PPIL6: variants seen among roughly 807,000 people sequenced by gnomAD.
PPIL6 encodes probable inactive peptidyl-prolyl cis-trans isomerase-like 6.
In PPIL6, 39 loss-of-function variants were observed where a neutral mutation model predicts 36.8. The ratio of observed to expected loss-of-function variants is 1.06; its 90% CI spans 0.82 to 1.38. The LOEUF (loss-of-function observed/expected upper bound fraction) is 1.38. PPIL6 is among the 40% of genes most tolerant of loss of function. PPIL6 has a pLI of 0.00. For synonymous variants in PPIL6, 123 were observed against 134.1 expected (o/e 0.92, Z 0.57); for missense variants, 368 against 379.1 (o/e 0.97, Z 0.24).
At chr6:109,434,425 T>G (rs1774335155) in intron 2 of PPIL6, among the ~76,000 whole-genome samples, 1 of 151,394 alleles carries the variant, frequency 6.6e-6, no homozygotes, top group Non-Finnish European at 1.5e-5. Context: ...ATATGTGTGT[T>G]TGTGTGTGTG....
intron 5 of PPIL6, among the ~76,000 whole-genome samples, chr6:109,423,541 T>C (rs976072235): frequency 1.3e-5 from 2 of 152,156 alleles, no homozygotes; most frequent in African/African-American, 4.8e-5. Context: ...CTGTGACTAA[T>C]GGGCTATTGA....
chr6:109,432,854 A>G (rs747788201), intron 2 of PPIL6, among the ~76,000 whole-genome samples: 2 of 152,152 alleles, frequency 1.3e-5, no homozygotes, highest in African/African-American at 4.8e-5. Context: ...AACAGTTTAC[A>G]TTCAACTTGC....
chr6:109,401,409 G>T (rs1275958434), intron 6 of PPIL6, among the ~76,000 whole-genome samples: 1 of 152,128 alleles, frequency 6.6e-6, no homozygotes, highest in African/African-American at 2.4e-5. Context: ...ATAAATTTCT[G>T]AGAATAACTG....
intron 2 of PPIL6, among the ~76,000 whole-genome samples, chr6:109,435,676 G>A (rs1254816357): frequency 6.6e-6 from 1 of 151,810 alleles, no homozygotes; most frequent in Non-Finnish European, 1.5e-5. Context: ...TGTAATCCCA[G>A]CACTTTGGGA....
At chr6:109,419,432 A>G (rs567912015) in intron 5 of PPIL6, among the ~76,000 whole-genome samples, 189 bp from the exon 6 acceptor site, 24 of 151,586 alleles carry the variant, frequency 1.6e-4, no homozygotes, top group African/African-American at 5.6e-4. Context: ...AAAAAAAAAA[A>G]GAGGAATCAG....
intron 6 of PPIL6, among the ~76,000 whole-genome samples, chr6:109,410,406 A>G (rs1772968065): frequency 6.6e-6 from 1 of 152,144 alleles, no homozygotes; most frequent in South Asian, 2.1e-4. Flanking sequence ...CAAGTATTGC[A>G]TCAGGGAATC....
chr6:109,405,137 AT>A, intron 6 of PPIL6: 1 of 347,002 alleles, frequency 2.9e-6, no homozygotes. Context: ...AAACTAATGT[AT>A]AAAGTTATCA....
intron 1 of PPIL6, 57 bp from the exon 2 acceptor site, chr6:109,436,256 C>A: frequency 9.5e-7 from 1 of 1,054,022 alleles, no homozygotes; most frequent in South Asian, 1.3e-5. Flanking sequence ...AAGTCAAAAT[C>A]ATGTTCCCCA....
rs933423334 is a variant in PPIL6 at position 109,392,108 on chromosome 6, G to A, written c.*718C>T. 1 of 152,246 alleles carries A rather than the reference G, an allele frequency of 6.6e-6. No homozygotes were observed. Among genetic ancestry groups the A allele is most frequent in the Non-Finnish European group, 1.5e-5 (1 of 68,060 alleles). 9.4% of individuals were successfully genotyped at this position (152,246 alleles called of 1,614,324 possible). ...TTAGTCTCCTATAATAAGAAGTCCAGAGTAGGTGGTTGCTGGTATTGGTCC... is the reference window on the plus strand; with the variant it reads ...TTAGTCTCCTATAATAAGAAGTCCAAAGTAGGTGGTTGCTGGTATTGGTCC... On this transcript the variant is annotated 3_prime_UTR_variant, in exon 8 of 8. Coordinates refer to ENST00000521072, the MANE Select transcript of PPIL6 (RefSeq NM_173672.5).
At chr6:109,429,605 C>T (rs1439912785) in intron 3 of PPIL6, among the ~76,000 whole-genome samples, 1 of 152,176 alleles carries the variant, frequency 6.6e-6, no homozygotes, top group Non-Finnish European at 1.5e-5. Context: ...CAGCTAGGTG[C>T]TCCTGCCTGG....
Position 109,426,904 on chromosome 6 carries a change from GTAGTCT to G in PPIL6, c.568_573del (p.Arg190_Leu191del). ...CGATGAAAAATGGAATTTTTGTAAT[GTAGTCT>G]TATGCCACGTTGAGAAAACCCTGCT... is the stretch of plus-strand genomic sequence containing the variant. On this transcript the variant is annotated inframe_deletion, in exon 5 of 8. Transcript: ENST00000521072. 6.2e-7 allele frequency: 1 copy of G among 1,605,398 alleles called. No individual in the cohort carries two copies. The highest frequency in any genetic ancestry group is 8.5e-7 in the Non-Finnish European group (1 of 1,173,430).
chr6:109,429,344 G>A (rs1204065729), intron 3 of PPIL6, among the ~76,000 whole-genome samples: 1 of 152,218 alleles, frequency 6.6e-6, no homozygotes, highest in African/African-American at 2.4e-5. Flanking sequence ...TTTATGGAAA[G>A]CTCTGTTGGT....
rs983005013 is a variant in PPIL6 at position 109,419,261 on chromosome 6, A to C, written c.632-18T>G. 1 of 1,467,472 alleles carries C rather than the reference A, an allele frequency of 6.8e-7. No individual in the cohort carries two copies. Among genetic ancestry groups the C allele is most frequent in the Non-Finnish European group, 9.5e-7 (1 of 1,052,240 alleles). 90.9% of individuals were successfully genotyped at this position (1,467,472 alleles called of 1,614,324 possible). On this transcript the variant is annotated intron_variant, in intron 5 of 7. Coordinates refer to ENST00000521072, the MANE Select transcript of PPIL6 (RefSeq NM_173672.5). The stretch of plus-strand genomic sequence containing the variant: ...CACTATATCTGAGAAATAGCAACAA[A>C]TAAACATTAGAATTTTGAGATGAAA...
intron 6 of PPIL6, among the ~76,000 whole-genome samples, chr6:109,418,754 C>T (rs1299195494): frequency 1.3e-5 from 2 of 152,076 alleles, no homozygotes; most frequent in East Asian, 3.9e-4. Flanking sequence ...ATTAGCCAGG[C>T]TGATCTCGAA....
At chr6:109,412,829 C>CAAAA (rs1773071423) in intron 6 of PPIL6, among the ~76,000 whole-genome samples, 1 of 152,040 alleles carries the variant, frequency 6.6e-6, no homozygotes, top group Non-Finnish European at 1.5e-5. Context: ...GGGATCATAT[C>CAAAA]AAGTTAAAAA....
chr6:109,431,488 C>T (rs1018666172), intron 2 of PPIL6, 143 bp from the exon 3 acceptor site: 4 of 488,194 alleles, frequency 8.2e-6, no homozygotes, highest in East Asian at 6.5e-5. Flanking sequence ...AAGTTTTTAT[C>T]GTCCTTCAGA....
At chr6:109,421,628 C>T (rs913366137) in intron 5 of PPIL6, among the ~76,000 whole-genome samples, 5 of 152,150 alleles carry the variant, frequency 3.3e-5, no homozygotes, top group African/African-American at 1.2e-4. Flanking sequence ...CTCAAAAGAT[C>T]CTTCTGAACT....
At chr6:109,429,848 TAC>T (rs1414133548) in intron 3 of PPIL6, among the ~76,000 whole-genome samples, 1 of 152,194 alleles carries the variant, frequency 6.6e-6, no homozygotes, top group Non-Finnish European at 1.5e-5. Context: ...ATCCTTTCAA[TAC>T]ACACCTTTTC....
intron 5 of PPIL6, among the ~76,000 whole-genome samples, chr6:109,419,581 G>A (rs1421568032): frequency 6.6e-6 from 1 of 152,010 alleles, no homozygotes; most frequent in Non-Finnish European, 1.5e-5. Context: ...AAATTAGCTG[G>A]GCGTGGTGGC....
Sources: allele counts gnomAD v4.1 joint callset (sites outside exome capture counted in the v4.1 genomes callset), GRCh38; gene constraint gnomAD v4.1.1; transcripts MANE v1.5; gene names NCBI Gene and HGNC (gene_info 2026-07-23, HGNC 2026-07-21).